The following LDLRAD4 variants were observed in gnomAD, a reference collection of about 807,000 sequenced individuals.
LDLRAD4 encodes low density lipoprotein receptor class A domain containing 4, also known as low-density lipoprotein receptor class A domain-containing protein 4.
Under a neutral mutation model 17.0 loss-of-function variants are expected in LDLRAD4, and 5 were observed. The observed-to-expected ratio is 0.29, with a 90% confidence interval of 0.15 to 0.62. LDLRAD4 has a LOEUF of 0.62. Among genes scored for constraint, LDLRAD4 ranks in the 20% least tolerant of loss-of-function variants. The pLI is 0.84. For synonymous variants in LDLRAD4, 168 were observed against 171.8 expected (o/e 0.98, Z 0.17); for missense variants, 340 against 424.7 (o/e 0.80, Z 1.75).
intron 1 of LDLRAD4, among the ~76,000 whole-genome samples, chr18:13,235,768 A>C (rs1020793038): frequency 5.9e-5 from 9 of 152,208 alleles, no homozygotes; most frequent in African/African-American, 1.9e-4. Context: ...CCCTGGGGGA[A>C]GTGCACATCC....
At position 13,524,922 on chromosome 18, in the gene LDLRAD4, G is replaced by C. The variant is rs778365844; in HGVS notation, c.181+86538G>C. ...GTTGGCGTGTGTCACTCTCCATCTC[G>C]CCCCAGTTCTAAATTAAGGCTGCCC... On this transcript the variant is annotated intron_variant, in intron 3 of 5. Transcript: ENST00000359446. Among the ~76,000 whole-genome samples, 43 of 152,162 alleles carry C rather than the reference G, an allele frequency of 2.8e-4. 1 individual carries two copies. The highest frequency in any genetic ancestry group is 5.4e-4 in the Non-Finnish European group (37 of 68,036).
chr18:13,431,092 ATT>A (rs2090305970), intron 2 of LDLRAD4, among the ~76,000 whole-genome samples: 1 of 152,170 alleles, frequency 6.6e-6, no homozygotes, highest in African/African-American at 2.4e-5. Context: ...GTTTTCAGAG[ATT>A]TTCCCTGTTA....
chr18:13,601,405 CA>C (rs2095159408), intron 3 of LDLRAD4, among the ~76,000 whole-genome samples: 1 of 151,954 alleles, frequency 6.6e-6, no homozygotes, highest in Non-Finnish European at 1.5e-5. Flanking sequence ...AAGAGAAATG[CA>C]AATCAAAACC....
intron 3 of LDLRAD4, among the ~76,000 whole-genome samples, chr18:13,480,269 G>A (rs1022968778): frequency 6.6e-6 from 1 of 152,302 alleles, no homozygotes; most frequent in African/African-American, 2.4e-5. Context: ...GCTATGAAAA[G>A]ACATGGAGGA....
At chr18:13,450,574 A>G (rs553817011) in intron 3 of LDLRAD4, among the ~76,000 whole-genome samples, 59 of 152,260 alleles carry the variant, frequency 3.9e-4, no homozygotes, top group African/African-American at 9.6e-4. Context: ...GCTGGGCTCT[A>G]TGGGCAGGTG....
intron 3 of LDLRAD4, among the ~76,000 whole-genome samples, chr18:13,497,846 C>T (rs1009864301): frequency 7.3e-5 from 11 of 151,504 alleles, no homozygotes; most frequent in Non-Finnish European, 1.0e-4. Flanking sequence ...ACACACGTCC[C>T]GCCGTGGACA....
At chr18:13,545,385 A>G (rs1363465079) in intron 3 of LDLRAD4, among the ~76,000 whole-genome samples, 3 of 152,196 alleles carry the variant, frequency 2.0e-5, no homozygotes, top group African/African-American at 7.2e-5. Flanking sequence ...TTTTGGCAAC[A>G]CCAAAATGTA....
chr18:13,445,601 A>G (rs2091340528), intron 3 of LDLRAD4, among the ~76,000 whole-genome samples: 1 of 150,648 alleles, frequency 6.6e-6, no homozygotes, highest in South Asian at 2.1e-4. Flanking sequence ...TCTATGGTAC[A>G]TGTATTCATG....
intron 1 of LDLRAD4, among the ~76,000 whole-genome samples, chr18:13,331,782 T>C (rs2081879058): frequency 6.6e-6 from 1 of 152,260 alleles, no homozygotes; most frequent in African/African-American, 2.4e-5. Context: ...AATATCAGTG[T>C]CATTTGTACT....
chr18:13,238,068 C>A (rs1335617630), intron 1 of LDLRAD4, among the ~76,000 whole-genome samples: 1 of 152,094 alleles, frequency 6.6e-6, no homozygotes, highest in East Asian at 1.9e-4. Context: ...GCCATCCTTA[C>A]CCACAAGCTT....
At chr18:13,340,152 G>A (rs1300578776) in intron 1 of LDLRAD4, among the ~76,000 whole-genome samples, 1 of 152,076 alleles carries the variant, frequency 6.6e-6, no homozygotes, top group African/African-American at 2.4e-5. Context: ...GCCACATTTT[G>A]TTTATCCCTT....
At chr18:13,627,248 G>A (rs2041254719) in intron 4 of LDLRAD4, among the ~76,000 whole-genome samples, 1 of 152,172 alleles carries the variant, frequency 6.6e-6, no homozygotes, top group Non-Finnish European at 1.5e-5. Context: ...CCGACAGAGG[G>A]AGACGCCATC....
chr18:13,593,392 G>A (rs1321967833), intron 3 of LDLRAD4, among the ~76,000 whole-genome samples: 1 of 130,460 alleles, frequency 7.7e-6, no homozygotes, highest in Non-Finnish European at 1.7e-5. Context: ...ACCTGGGCAT[G>A]GATTTGTCTT....
At chr18:13,482,439 C>G (rs1048257669) in intron 3 of LDLRAD4, among the ~76,000 whole-genome samples, 16 of 152,250 alleles carry the variant, frequency 1.1e-4, no homozygotes, top group African/African-American at 3.9e-4. Context: ...CACGGAAGCT[C>G]TGTATTGGCA....
chr18:13,439,231 T>A (rs976563614), intron 3 of LDLRAD4, among the ~76,000 whole-genome samples: 7 of 152,190 alleles, frequency 4.6e-5, no homozygotes, highest in Admixed American at 3.9e-4. Flanking sequence ...AAATTTTTGT[T>A]ATGGAAATTA....
At chr18:13,607,084 A>AAC (rs1381837389) in intron 3 of LDLRAD4, among the ~76,000 whole-genome samples, 2 of 152,226 alleles carry the variant, frequency 1.3e-5, no homozygotes, top group Non-Finnish European at 2.9e-5. Flanking sequence ...TGGTTGCTAC[A>AAC]TTTGTTGACT....
intron 1 of LDLRAD4, among the ~76,000 whole-genome samples, chr18:13,368,879 A>G (rs1405862669): frequency 5.3e-5 from 8 of 152,236 alleles, no homozygotes; most frequent in Admixed American, 4.6e-4. Context: ...GGAGAGGCCC[A>G]GGGCCATGGG....
intron 1 of LDLRAD4, among the ~76,000 whole-genome samples, chr18:13,371,864 G>A (rs988527339): frequency 2.6e-5 from 4 of 152,194 alleles, no homozygotes; most frequent in African/African-American, 7.2e-5. Flanking sequence ...ACTAATTCAT[G>A]TCTTTATTTA....
intron 2 of LDLRAD4, among the ~76,000 whole-genome samples, chr18:13,415,942 C>T (rs572145358): frequency 1.3e-5 from 2 of 152,352 alleles, no homozygotes; most frequent in South Asian, 2.1e-4. Flanking sequence ...AGGAGGGGAA[C>T]GTGCATGGCT....
Sources: allele counts gnomAD v4.1 joint callset (sites outside exome capture counted in the v4.1 genomes callset), GRCh38; gene constraint gnomAD v4.1.1; transcripts MANE v1.5; gene names NCBI Gene and HGNC (gene_info 2026-07-23, HGNC 2026-07-21).